Variants in HCFC2 observed in about 807,000 individuals in gnomAD.
HCFC2 encodes the protein host cell factor C2, also known as host cell factor 2.
In HCFC2, 18 loss-of-function variants were observed where a neutral mutation model predicts 89.2. That is an observed-to-expected ratio of 0.20 (90% CI 0.14 to 0.30). HCFC2 has a LOEUF of 0.30. Among genes scored for constraint, HCFC2 ranks in the 10% least tolerant of loss-of-function variants. The pLI is 1.00. For synonymous variants in HCFC2, 308 were observed against 335.7 expected, an observed-to-expected ratio of 0.92 and a Z score of 0.90; for missense variants, 578 against 956.1, an observed-to-expected ratio of 0.60 and a Z score of 5.21.
intron 13 of HCFC2, among the ~76,000 whole-genome samples, chr12:104,101,252 C>T (rs1000643527): frequency 3.9e-5 from 6 of 152,064 alleles, no homozygotes; most frequent in South Asian, 2.1e-4. Flanking sequence ...GGGAGGCCGA[C>T]GCAGGTGGAT....
rs768655751 is a variant in HCFC2 at position 104,096,398 on chromosome 12, C to G, written c.1705C>G (p.Arg569Gly). ...TYALPATKIS[R>G]VETHATATPF... The stretch of plus-strand genomic sequence containing the variant: ...TGCACTGCCTGCAACGAAGATCAGC[C>G]GTGTAGAGACACATGCTACAGCAAC... Residue 569 changes from arginine (R) to glycine (G), a missense_variant, in exon 12 of 15, where the codon CGT (arginine) becomes GGT (glycine). Arg to Gly is a moderately radical substitution (Grantham distance 125, BLOSUM62 -2). Coordinates refer to ENST00000229330, the MANE Select transcript of HCFC2 (RefSeq NM_013320.3). The G allele has an allele frequency of 6.2e-7, 1 of 1,607,958 alleles. No individual in the cohort carries two copies. The highest frequency in any genetic ancestry group is 1.1e-5 in the South Asian group (1 of 90,084).
intron 7 of HCFC2, 144 bp downstream of exon 7, chr12:104,083,045 C>T: frequency 3.3e-6 from 2 of 606,900 alleles, no homozygotes; most frequent in Non-Finnish European, 5.7e-6. Flanking sequence ...TAGTTATTCT[C>T]CACTCCTGAG....
intron 3 of HCFC2, among the ~76,000 whole-genome samples, chr12:104,074,891 A>G (rs1399084550): frequency 6.6e-6 from 1 of 152,168 alleles, no homozygotes; most frequent in Non-Finnish European, 1.5e-5. Flanking sequence ...AATTCCTTGA[A>G]TATTTAGAAG....
intron 3 of HCFC2, among the ~76,000 whole-genome samples, chr12:104,073,351 G>C (rs568354191): frequency 2.6e-5 from 4 of 151,782 alleles, no homozygotes; most frequent in African/African-American, 9.7e-5. Context: ...TTTTAGTAGA[G>C]GCAGGGTTTC....
rs1041391198 is a variant in HCFC2, at chr12:104,095,781, T to C, written c.1666+218T>C. On this transcript the variant is annotated intron_variant, in intron 11 of 14. Coordinates refer to ENST00000229330, the MANE Select transcript of HCFC2 (RefSeq NM_013320.3). The surrounding 1 kb of genome is among the most constrained non-coding windows in gnomAD (Gnocchi z 4.2). ...TTTTGTTTTCTTTCTATCATGACTT[T>C]ATGGATTTTGACCATATATTTACCT... Among the ~76,000 whole-genome samples the C allele has an allele frequency of 2.0e-5, 3 of 152,194 alleles. No homozygotes were observed. The highest frequency in any genetic ancestry group is 2.1e-4 in the South Asian group (1 of 4,836).
At chr12:104,096,307 A>C (rs1884175681) in intron 11 of HCFC2, 53 bp from the exon 12 acceptor site, 2 of 1,214,562 alleles carry the variant, frequency 1.6e-6, no homozygotes, top group African/African-American at 3.1e-5. Flanking sequence ...ATTATATTTT[A>C]ATGTATCTGA....
In HCFC2 at chr12:104,103,344, TAA is replaced by T; in HGVS notation, c.*74_*75del. The T allele has an allele frequency of 1.6e-6, 2 of 1,253,024 alleles. No homozygotes were observed. Among genetic ancestry groups the T allele is most frequent in the Non-Finnish European group, 2.2e-6 (2 of 892,126 alleles). The allele number at this position is 1,253,024 out of a possible 1,614,324, so 77.6% of individuals were successfully genotyped here. On this transcript the variant is annotated 3_prime_UTR_variant, in exon 15 of 15. Coordinates refer to ENST00000229330, the MANE Select transcript of HCFC2 (RefSeq NM_013320.3). ...TAACTGGTTATGAAGATTTGTCATT[TAA>T]AAGAGTATTCTCTGGCTGTATTTCC...
Position 104,087,001 on chromosome 12 carries a change from A to G in HCFC2, c.1218A>G (p.Ala406=), listed in dbSNP as rs1883872745. Residue 406 remains alanine, a synonymous_variant, in exon 8 of 15, where the codon GCA becomes GCG. Transcript: ENST00000229330. The part of the protein sequence containing the change: ...YQAASSDSSA[A]PNMQGVRMDP... ...CTGCATCATCAGATTCTTCAGCAGC[A>G]CCAAATATGCAAGGTAACATAATTT... 2.5e-6 allele frequency: 4 copies of G among 1,613,722 alleles called. No homozygotes were observed. Among genetic ancestry groups the G allele is most frequent in the Middle Eastern group, 1.7e-4 (1 of 6,060 alleles).
intron 9 of HCFC2, among the ~76,000 whole-genome samples, chr12:104,092,839 A>G (rs1884060542): frequency 6.6e-6 from 1 of 152,210 alleles, no homozygotes; most frequent in African/African-American, 2.4e-5. Flanking sequence ...TAGTGTGTTT[A>G]AGAAGGTTAA....
chr12:104,100,641 A>C (rs934598746), intron 13 of HCFC2, among the ~76,000 whole-genome samples: 2 of 152,126 alleles, frequency 1.3e-5, no homozygotes, highest in Non-Finnish European at 2.9e-5. Flanking sequence ...GTTCATTTTG[A>C]ATCTCCCGAA....
chr12:104,071,126 A>G (rs909305948), intron 3 of HCFC2, among the ~76,000 whole-genome samples: 2 of 152,142 alleles, frequency 1.3e-5, no homozygotes, highest in Admixed American at 1.3e-4. Flanking sequence ...CTTTCAACAC[A>G]TGTCTTTTAA....
At chr12:104,078,098 A>G (rs1883566826) in intron 3 of HCFC2, among the ~76,000 whole-genome samples, 1 of 152,136 alleles carries the variant, frequency 6.6e-6, no homozygotes, top group South Asian at 2.1e-4. Context: ...TCCCGGGTTC[A>G]TGCCATTCTC....
intron 13 of HCFC2, 139 bp from the exon 14 acceptor site, chr12:104,101,829 G>A (rs1274390191): frequency 2.0e-6 from 1 of 488,516 alleles, no homozygotes; most frequent in African/African-American, 2.0e-5. Flanking sequence ...TGAGAGAGAG[G>A]GAGATAAATG....
At chr12:104,072,927 AGC>A (rs1410576583) in intron 3 of HCFC2, among the ~76,000 whole-genome samples, 1 of 151,820 alleles carries the variant, frequency 6.6e-6, no homozygotes, top group African/African-American at 2.4e-5. Flanking sequence ...TACAGGTGTG[AGC>A]CACCGCACCC....
At chr12:104,081,197 A>G (rs1376578292) in intron 5 of HCFC2, among the ~76,000 whole-genome samples, 1 of 152,220 alleles carries the variant, frequency 6.6e-6, no homozygotes, top group Non-Finnish European at 1.5e-5. Context: ...AGATTGCAAT[A>G]TAGAGTTGAT....
In HCFC2 at chr12:104,074,755, T is replaced by G. The variant is rs113639758; in HGVS notation, c.474-4690T>G. On this transcript the variant is annotated intron_variant, in intron 3 of 14. Coordinates refer to ENST00000229330, the MANE Select transcript of HCFC2 (RefSeq NM_013320.3). ...CGATTTTGCCTGTATTGTCTTTATA[T>G]GGGGGAGTAGGGTGCTATTGTAATC... Among the ~76,000 whole-genome samples the G allele has an allele frequency of 2.7e-3, 408 of 152,276 alleles. 1 individual carries two copies. Among genetic ancestry groups the G allele is most frequent in the Non-Finnish European group, 4.2e-3 (284 of 68,018 alleles).
intron 1 of HCFC2, among the ~76,000 whole-genome samples, chr12:104,065,884 C>A (rs1462185224): frequency 6.6e-6 from 1 of 152,104 alleles, no homozygotes; most frequent in African/African-American, 2.4e-5. Flanking sequence ...CACTCTCGAC[C>A]TTTTGGGCCA....
chr12:104,102,481 C>A (rs562578075), intron 14 of HCFC2, among the ~76,000 whole-genome samples: 2 of 152,152 alleles, frequency 1.3e-5, no homozygotes, highest in Non-Finnish European at 2.9e-5. Context: ...ACCCTCCACT[C>A]TCTGATAGGC....
chr12:104,086,827 A>G lies in HCFC2; in HGVS notation c.1064-20A>G. The G allele has an allele frequency of 6.2e-7, 1 of 1,609,302 alleles. No homozygotes were observed. The highest frequency in any genetic ancestry group is 1.1e-5 in the South Asian group (1 of 90,820). The stretch of plus-strand genomic sequence containing the variant: ...TATACACTGGAAACTTAAATGTATA[A>G]TATCATGATTGTTCTATAGAGAAAC... On this transcript the variant is annotated intron_variant, in intron 7 of 14. Transcript: ENST00000229330.
Sources: gnomAD v4.1 joint callset for allele counts (sites outside exome capture counted in the v4.1 genomes callset) on GRCh38, gnomAD v4.1.1 for gene constraint, Gnocchi (gnomAD v3.1) non-coding constraint, MANE v1.5 for transcripts, NCBI Gene and HGNC (gene_info 2026-07-23, HGNC 2026-07-21) for gene names.